The following COL18A1 variants were observed in gnomAD, a reference collection of about 807,000 sequenced individuals.
COL18A1 encodes the protein collagen type XVIII alpha 1 chain, also known as collagen alpha-1(XVIII) chain.
In COL18A1, 133 loss-of-function variants were observed where a neutral mutation model predicts 168.0. That is an observed-to-expected ratio of 0.79 (90% CI 0.69 to 0.91). COL18A1 has a LOEUF of 0.91. Ranked by LOEUF, COL18A1 falls within the 40% of genes least tolerant of loss-of-function variation. The probability of loss-of-function intolerance (pLI) is 0.00; values close to 1 mark genes in which losing one functional copy is unlikely to be tolerated. For missense variants in COL18A1, 2,126 were observed against 1,925.4 expected (o/e 1.10, Z -1.95); for synonymous variants, 949 against 809.0 (o/e 1.17, Z -2.94).
At chr21:45,489,745 G>T (rs1030208996) in intron 19 of COL18A1, among the ~76,000 whole-genome samples, 3 of 149,794 alleles carry the variant, frequency 2.0e-5, no homozygotes. Context: ...TCAGGAACAT[G>T]GCCTTCCTCC....
In COL18A1 at chr21:45,507,565, A is replaced by C; in HGVS notation, c.3221A>C (p.Glu1074Ala). 6.2e-7 allele frequency: 1 copy of C among 1,612,258 alleles called. No homozygotes were observed. The highest frequency in any genetic ancestry group is 1.1e-5 in the South Asian group (1 of 90,992). The change falls in exon 38 of 42, where the codon GAG becomes GCG. Residue 1074 changes from glutamate to alanine, a missense_variant. Physicochemically the swap from Glu to Ala is moderately radical, Grantham distance 107. Coordinates refer to ENST00000651438, the MANE Select transcript of COL18A1 (RefSeq NM_001379500.1). ...GACCCTGCTGCTTTCTTCCAGCTGG[A>C]GGCCCGGACACCACTCCCACGAGGG... ...VQNGFRKVQL[E>A]ARTPLPRGTD...
chr21:45,418,829 G>A (rs953884603), intron 2 of COL18A1, among the ~76,000 whole-genome samples: 4 of 151,860 alleles, frequency 2.6e-5, no homozygotes, highest in Admixed American at 2.0e-4. Context: ...CTGTGCCTGC[G>A]GCCCTGCGAG....
chr21:45,464,907 G>A (rs534679179), intron 2 of COL18A1, among the ~76,000 whole-genome samples: 3 of 152,272 alleles, frequency 2.0e-5, no homozygotes, highest in African/African-American at 2.4e-5. Flanking sequence ...CTGTTGTGCC[G>A]TGGACATCCT....
chr21:45,430,191 G>T (rs181455932), intron 2 of COL18A1, among the ~76,000 whole-genome samples: 1 of 151,712 alleles, frequency 6.6e-6, no homozygotes, highest in Admixed American at 6.6e-5. Flanking sequence ...TGGTTTGGGG[G>T]CCCCCTATCT....
chr21:45,466,156 C>A (rs940383653), intron 2 of COL18A1, among the ~76,000 whole-genome samples: 2 of 152,266 alleles, frequency 1.3e-5, no homozygotes, highest in East Asian at 1.9e-4. Context: ...GATGGACGTC[C>A]CCGGTCCCCT....
chr21:45,490,764 A>T, intron 20 of COL18A1, 72 bp from the exon 21 acceptor site: 3 of 1,465,408 alleles, frequency 2.0e-6, no homozygotes, highest in Non-Finnish European at 2.8e-6. Flanking sequence ...TCTTCATCAG[A>T]GCCATCCCTC....
In COL18A1 at chr21:45,419,419, G is replaced by T. The variant is rs903202418; in HGVS notation, c.106+13946G>T. ...CTTAATGTCATGTAGTGACACGCTC[G>T]CAGGATCGCCAAGGCCAGGCTGGCT... is the stretch of plus-strand genomic sequence containing the variant. On this transcript the variant is annotated intron_variant, in intron 2 of 41. Coordinates refer to ENST00000651438, the MANE Select transcript of COL18A1 (RefSeq NM_001379500.1). Among the ~76,000 whole-genome samples, 6 of 152,338 alleles carry T rather than the reference G, an allele frequency of 3.9e-5. No homozygotes were observed. The East Asian group carries it at 5.8e-4, about 15-fold the overall frequency.
rs1468552682 is a variant in COL18A1, at chr21:45,443,909, T to A, written c.107-24333T>A. Among the ~76,000 whole-genome samples the A allele has an allele frequency of 6.6e-6, 1 of 152,098 alleles. No homozygotes were observed. The highest frequency in any genetic ancestry group is 1.5e-5 in the Non-Finnish European group (1 of 68,016). The stretch of plus-strand genomic sequence containing the variant: ...CTCCAGACTCCTAGGAAGGGGACCG[T>A]CCTCCCAGTGGCAGCCAGGACTGCC... On this transcript the variant is annotated intron_variant, in intron 2 of 41. Transcript: ENST00000651438. The surrounding 1 kb of genome is among the most constrained non-coding windows in gnomAD (Gnocchi z 5.2).
intron 2 of COL18A1, among the ~76,000 whole-genome samples, chr21:45,442,242 C>A (rs9976649): frequency 0.21 from 32,304 of 152,096 alleles, 3,372 homozygotes; most frequent in East Asian, 0.25. Flanking sequence ...GGAAACCCTG[C>A]CCGTTCTGTG....
At chr21:45,504,126 T>G in intron 33 of COL18A1, 72 bp downstream of exon 33, 1 of 1,536,018 alleles carries the variant, frequency 6.5e-7, no homozygotes, top group Non-Finnish European at 9.0e-7. Context: ...GCTCCCAATT[T>G]CTCGCCCCAT....
chr21:45,509,435 AC>A lies in COL18A1; in HGVS notation c.3333del (p.Thr1112ProfsTer139). 1 of 1,528,412 alleles carries A rather than the reference AC, an allele frequency of 6.5e-7. No homozygotes were observed. Among genetic ancestry groups the A allele is most frequent in the Non-Finnish European group, 8.8e-7 (1 of 1,138,614 alleles). 94.7% of individuals were successfully genotyped at this position (1,528,412 alleles called of 1,614,324 possible). Reference protein sequence around the residue: ...SNPYPRREHPHPTARPWRADD... With the variant: ...SNPYPRREHPXPTARPWRADD... ...CCCTACCCGCGGCGGGAGCACCCCC[AC>A]CCCACCGCGCGGCCCTGGCGGGCAG... On this transcript the variant is annotated frameshift_variant, in exon 39 of 42. Coordinates refer to ENST00000651438, the MANE Select transcript of COL18A1 (RefSeq NM_001379500.1). LOFTEE classifies it high-confidence loss of function.
chr21:45,472,331 C>A (rs1160275864), intron 3 of COL18A1, among the ~76,000 whole-genome samples: 2 of 151,888 alleles, frequency 1.3e-5, no homozygotes, highest in African/African-American at 4.8e-5. Context: ...TCACGCCATT[C>A]TCCTGCCTCA....
chr21:45,499,444 C>T (rs1415834292), intron 32 of COL18A1, among the ~76,000 whole-genome samples: 56 of 143,094 alleles, frequency 3.9e-4, no homozygotes, highest in African/African-American at 5.0e-4. Context: ...CGCGGGAACC[C>T]GTGTGGGCTG....
At chr21:45,478,824 C>T (rs146642751) in intron 9 of COL18A1, among the ~76,000 whole-genome samples, 6 of 152,316 alleles carry the variant, frequency 3.9e-5, no homozygotes, top group Admixed American at 6.5e-5. Context: ...GACCTGGGAA[C>T]AGCCTGCCCA....
intron 2 of COL18A1, among the ~76,000 whole-genome samples, chr21:45,429,896 G>A (rs560853351): frequency 3.5e-4 from 53 of 151,412 alleles, no homozygotes; most frequent in African/African-American, 9.0e-4. Context: ...TCTGTGAAGC[G>A]GGGTCATGGT....
Position 45,496,933 on chromosome 21 carries a change from GGCT to G in COL18A1, c.2578-113_2578-111del, listed in dbSNP as rs2036563155. On this transcript the variant is annotated intron_variant, in intron 30 of 41. Transcript: ENST00000651438. ...TTCCCTCCCGTCTCTGACTGGGGGA[GGCT>G]GCTATGTGGCCTCATACAGGGGCTG... 5.4e-6 allele frequency: 4 copies of G among 742,712 alleles called. No homozygotes were observed. The Admixed American group carries it at 7.7e-5, about 14-fold the overall frequency. 46.0% of individuals were successfully genotyped at this position (742,712 alleles called of 1,614,324 possible). A position where few individuals can be genotyped will look rare whatever the true frequency, so the allele number is the denominator to read the frequency against.
chr21:45,497,497 C>A, intron 31 of COL18A1, 102 bp from the exon 32 acceptor site: 5 of 1,442,394 alleles, frequency 3.5e-6, no homozygotes, highest in Non-Finnish European at 3.8e-6. Context: ...GATGCCCCCC[C>A]ATCCAGGCCC....
At position 45,490,853 on chromosome 21, in the gene COL18A1, A is replaced by G. The variant is rs2036312735; in HGVS notation, c.2049A>G (p.Arg683=). 1 of 1,549,912 alleles carries G rather than the reference A, an allele frequency of 6.5e-7. No homozygotes were observed. The highest frequency in any genetic ancestry group is 8.7e-7 in the Non-Finnish European group (1 of 1,146,726). ...CTCTCCAGGGGCCAAAGGGAGACAG[A>G]GGCAGCCGGGGAGAAAAGGTGAGTG... The part of the protein sequence containing the change: ...IAGPQGPKGD[R]GSRGEKGDPG... Residue 683 remains arginine, a synonymous_variant, in exon 21 of 42, where the codon AGA becomes AGG. Coordinates refer to ENST00000651438, the MANE Select transcript of COL18A1 (RefSeq NM_001379500.1).
chr21:45,508,693 A>G (rs1223208355), intron 38 of COL18A1, among the ~76,000 whole-genome samples: 3 of 152,160 alleles, frequency 2.0e-5, no homozygotes, highest in Non-Finnish European at 4.4e-5. Flanking sequence ...CACAGGGTTC[A>G]GCCCAGTCTG....
Sources: allele counts gnomAD v4.1 joint callset (sites outside exome capture counted in the v4.1 genomes callset), GRCh38; gene constraint gnomAD v4.1.1; non-coding constraint Gnocchi (gnomAD v3.1); transcripts MANE v1.5; gene names NCBI Gene and HGNC (gene_info 2026-07-23, HGNC 2026-07-21).